OFD1: variants seen among roughly 807,000 people sequenced by gnomAD.
The protein encoded by OFD1 is centriole and centriolar satellite protein OFD1.
A neutral mutation model predicts 81.4 loss-of-function variants in OFD1; 12 were observed. The observed-to-expected ratio is 0.15, with a 90% CI of 0.09 to 0.24. OFD1 has a LOEUF of 0.24. OFD1 is among the 10% of genes least tolerant of loss of function. The pLI is 1.00. For synonymous variants in OFD1, 256 were observed against 263.7 expected (o/e 0.97, Z 0.28); for missense variants, 685 against 733.9 (o/e 0.93, Z 0.77).
chrX:13,745,380 A>G (rs1236500926), intron 6 of OFD1, among the ~76,000 whole-genome samples: 1 of 112,344 alleles, frequency 8.9e-6, no homozygotes, highest in Non-Finnish European at 1.9e-5. Flanking sequence ...ATATTATTTC[A>G]GCATATATTC....
chrX:13,747,151 C>T (rs768208317), intron 8 of OFD1, among the ~76,000 whole-genome samples, 198 bp downstream of exon 8: 1 of 111,757 alleles, frequency 8.9e-6, no homozygotes, highest in African/African-American at 3.3e-5. Flanking sequence ...GATGGAAAGG[C>T]GAGAACTGTG....
the OFD1 span, among the ~76,000 whole-genome samples, chrX:13,723,625 G>A: frequency 8.9e-6 from 1 of 112,004 alleles, no homozygotes; most frequent in African/African-American, 3.2e-5. Context: ...TGGTCTGCTC[G>A]ATTTTCCCAT....
intron 15 of OFD1, 119 bp from the exon 16 acceptor site, chrX:13,759,996 T>C: frequency 1.1e-6 from 1 of 898,847 alleles, no homozygotes; most frequent in South Asian, 2.0e-5. Flanking sequence ...TCAGAAACTG[T>C]ATAGTGCAAG....
chrX:13,760,512 C>G lies in OFD1; in HGVS notation c.2052C>G (p.Ser684=), dbSNP rs61742891. 1,100 of 1,167,496 alleles carry G rather than the reference C, an allele frequency of 9.4e-4. 7 individuals are homozygous for G. In the African/African-American group the frequency reaches 0.018, roughly 19 times the overall value. ...TGGAAGCCTTCAAAAACATTACTTC[C>G]AGTTCCCCGGAAAGACATATTTTTG... ...HLLEAFKNIT[S]SSPERHIFGE... Residue 684 remains serine (S), a synonymous_variant, in exon 16 of 23, where the codon TCC becomes TCG. Transcript: ENST00000340096.
intron 21 of OFD1, among the ~76,000 whole-genome samples, 173 bp downstream of exon 21, chrX:13,768,397 C>T (rs1036576626): frequency 1.8e-5 from 2 of 111,996 alleles, no homozygotes; most frequent in Admixed American, 9.4e-5. Flanking sequence ...ATTCTTTTGA[C>T]AAAAATTCAT....
intron 8 of OFD1, among the ~76,000 whole-genome samples, chrX:13,748,988 G>A (rs770754975): frequency 1.8e-4 from 20 of 109,007 alleles, no homozygotes; most frequent in South Asian, 1.2e-3. Flanking sequence ...ACTTGGTGGC[G>A]TGTGCCTGTA....
At chrX:13,725,142 G>A in the OFD1 span, among the ~76,000 whole-genome samples, 1 of 113,096 alleles carries the variant, frequency 8.8e-6, no homozygotes, top group Non-Finnish European at 1.9e-5. Context: ...AAAGCCTACT[G>A]CCTCTAGACT....
chrX:13,743,256 C>T (rs1286378825), intron 5 of OFD1, among the ~76,000 whole-genome samples: 6 of 112,553 alleles, frequency 5.3e-5, no homozygotes, highest in African/African-American at 1.9e-4. Context: ...AATTAAAACA[C>T]AATCAATTGG....
intron 6 of OFD1, 145 bp downstream of exon 6, chrX:13,744,664 A>G (rs944398303): frequency 1.4e-5 from 7 of 489,628 alleles, no homozygotes; most frequent in African/African-American, 4.7e-5. Context: ...TTCTGGAATC[A>G]TCTTGGGGGA....
the OFD1 span, among the ~76,000 whole-genome samples, chrX:13,727,898 T>TA: frequency 9.0e-6 from 1 of 110,847 alleles, no homozygotes; most frequent in Non-Finnish European, 1.9e-5. Context: ...ATAGATGCAA[T>TA]AAAAAATGAT....
At chrX:13,755,118 T>C in intron 11 of OFD1, 33 bp from the exon 12 acceptor site, 2 of 1,027,731 alleles carry the variant, frequency 1.9e-6, no homozygotes, top group Non-Finnish European at 2.7e-6. Flanking sequence ...TAGGAAAACA[T>C]TATGGTGTTT....
intron 2 of OFD1, chrX:13,736,276 C>T: frequency 9.5e-7 from 1 of 1,053,368 alleles, no homozygotes; most frequent in Non-Finnish European, 1.2e-6. Flanking sequence ...CTAGAACCCA[C>T]TGGACTGCTT....
At chrX:13,717,251 T>C in the OFD1 span, among the ~76,000 whole-genome samples, 1 of 108,449 alleles carries the variant, frequency 9.2e-6, no homozygotes, top group Non-Finnish European at 1.9e-5. Flanking sequence ...GACCTAGGAG[T>C]AGTGGGAGGT....
At chrX:13,715,714 C>T in the OFD1 span, 16 of 749,571 alleles carry the variant, frequency 2.1e-5, no homozygotes, top group Admixed American at 1.3e-4. Context: ...TTCTTGCTGT[C>T]TTTAGGGATC....
intron 21 of OFD1, among the ~76,000 whole-genome samples, chrX:13,768,488 A>G (rs1242353309): frequency 8.9e-6 from 1 of 112,319 alleles, no homozygotes; most frequent in Non-Finnish European, 1.9e-5. Context: ...GAAAAGATCT[A>G]TCAAATGCAT....
intron 17 of OFD1, 100 bp downstream of exon 17, chrX:13,761,311 T>A: frequency 1.1e-6 from 1 of 898,756 alleles, no homozygotes; most frequent in Non-Finnish European, 1.6e-6. Flanking sequence ...TTGAGATAAT[T>A]ATTATAGATC....
At chrX:13,763,597 G>A in intron 18 of OFD1, 148 bp from the exon 19 acceptor site, 1 of 481,365 alleles carries the variant, frequency 2.1e-6, no homozygotes, top group Non-Finnish European at 3.7e-6. Context: ...GTTATGTTGG[G>A]AACTTCATAG....
upstream of OFD1, chrX:13,734,713 A>G: frequency 1.0e-6 from 1 of 987,719 alleles, no homozygotes; most frequent in Non-Finnish European, 1.3e-6. Flanking sequence ...TCAGCTCGGG[A>G]AGGCTATATT....
intron 5 of OFD1, 87 bp from the exon 6 acceptor site, chrX:13,744,328 A>G (rs1016257061): frequency 3.6e-6 from 2 of 548,552 alleles, no homozygotes; most frequent in South Asian, 2.6e-5. Flanking sequence ...GTAAAAAATG[A>G]TAATGTCCTA....
Sources: gnomAD v4.1 joint callset for allele counts (sites outside exome capture counted in the v4.1 genomes callset) on GRCh38, gnomAD v4.1.1 for gene constraint, MANE v1.5 for transcripts, NCBI Gene and HGNC (gene_info 2026-07-23, HGNC 2026-07-21) for gene names.